The following ISM2 variants were observed in gnomAD, a reference collection of about 807,000 sequenced individuals.
The protein encoded by ISM2 is isthmin-2.
ISM2 carries 50 observed loss-of-function variants against 58.0 expected under a neutral mutation model. The ratio of observed to expected loss-of-function variants is 0.86; its 90% CI spans 0.69 to 1.09. The LOEUF (loss-of-function observed/expected upper bound fraction) is 1.09. ISM2 is among the 50% of genes least tolerant of loss of function. The probability of loss-of-function intolerance (pLI) is 0.00; values close to 1 mark genes in which losing one functional copy is unlikely to be tolerated. For missense variants in ISM2, 723 were observed against 745.0 expected (o/e 0.97, Z 0.34); for synonymous variants, 303 against 312.4 (o/e 0.97, Z 0.32).
At chr14:77,479,940 G>A (rs1362156636) in intron 4 of ISM2, among the ~76,000 whole-genome samples, 5 of 152,162 alleles carry the variant, frequency 3.3e-5, no homozygotes, top group African/African-American at 7.2e-5. Flanking sequence ...GATTACAGGT[G>A]TGAGCCACCC....
rs1286898019 is a variant in ISM2 at position 77,475,844 on chromosome 14, G to T, written c.1467C>A (p.Ala489=). 21 of 1,610,812 alleles carry T rather than the reference G, an allele frequency of 1.3e-5. No homozygotes were observed. Among genetic ancestry groups the T allele is most frequent in the East Asian group, 2.2e-5 (1 of 44,882 alleles). ...TGTCCTCGTCATAGCAGCAGTGCTG[G>T]GCGGCCAGTGTGCTGCTCTCCCCAG... ...MLSGESSTLA[A]QHCCYDEDSR... The change falls in exon 7 of 7, where the codon GCC becomes GCA. Residue 489 remains alanine, a synonymous_variant. Coordinates refer to ENST00000342219, the MANE Select transcript of ISM2 (RefSeq NM_199296.3). The surrounding 1 kb of genome is among the most constrained non-coding windows in gnomAD (Gnocchi z 4.1).
chr14:77,475,695 C>T lies in ISM2; in HGVS notation c.1616G>A (p.Arg539His), dbSNP rs745718518. Residue 539 changes from arginine (R) to histidine (H), a missense_variant, in exon 7 of 7, where the codon CGC (arginine) becomes CAC (histidine). Arg to His is a conservative substitution (Grantham distance 29). Coordinates refer to ENST00000342219, the MANE Select transcript of ISM2 (RefSeq NM_199296.3). The surrounding 1 kb of genome is among the most constrained non-coding windows in gnomAD (Gnocchi z 4.1). ...PWILCKGDWS[R>H]LHAVLPPNNG... ...GTTGGGAGGGAGCACAGCGTGGAGG[C>T]GGCTCCAGTCCCCCTTGCACAGGAT... is the stretch of plus-strand genomic sequence containing the variant. 3.1e-6 allele frequency: 5 copies of T among 1,613,916 alleles called. No individual in the cohort carries two copies. The highest frequency in any genetic ancestry group is 1.1e-5 in the South Asian group (1 of 91,090).
chr14:77,481,254 C>T (rs917430084), intron 4 of ISM2, among the ~76,000 whole-genome samples: 1 of 151,732 alleles, frequency 6.6e-6, no homozygotes, highest in African/African-American at 2.4e-5. Context: ...GCATGAGAAT[C>T]GTCCGAACCT....
chr14:77,491,390 T>G (rs148100392), intron 1 of ISM2, among the ~76,000 whole-genome samples: 2 of 152,332 alleles, frequency 1.3e-5, no homozygotes, highest in East Asian at 3.9e-4. Flanking sequence ...CTCTGTTTAT[T>G]TATTTATTTT....
chr14:77,495,632 A>G (rs1171684497), intron 1 of ISM2, among the ~76,000 whole-genome samples: 1 of 152,116 alleles, frequency 6.6e-6, no homozygotes, highest in East Asian at 1.9e-4. Context: ...AAGCATGTGG[A>G]GTGTCTGGGC....
At chr14:77,486,570 C>G (rs761859054) in intron 1 of ISM2, among the ~76,000 whole-genome samples, 1 of 152,202 alleles carries the variant, frequency 6.6e-6, no homozygotes, top group South Asian at 2.1e-4. Flanking sequence ...CCTAGCAGCT[C>G]CCACCCACAA....
rs370579280 is a variant in ISM2, at chr14:77,475,929, G to A, written c.1382C>T (p.Pro461Leu). The change falls in exon 7 of 7, where the codon CCT becomes CTT. Residue 461 changes from proline to leucine, a missense_variant. Transcript: ENST00000342219. This position sits in a 1 kb window ranked among gnomAD's most constrained non-coding sequence, Gnocchi z 4.1. The part of the protein sequence containing the change: ...RSFRWRDASG[P>L]RERLDIYQPT... The stretch of plus-strand genomic sequence containing the variant: ...CTGGTAGATGTCCAGGCGCTCGCGA[G>A]GGCCACTGGCATCCCTCCACCGGAA... The A allele has an allele frequency of 1.8e-4, 294 of 1,599,916 alleles. No homozygotes were observed. Among genetic ancestry groups the A allele is most frequent in the Non-Finnish European group, 2.4e-4 (281 of 1,179,786 alleles).
At chr14:77,496,250 A>G (rs1412424640) in intron 1 of ISM2, among the ~76,000 whole-genome samples, 1 of 151,252 alleles carries the variant, frequency 6.6e-6, no homozygotes, top group Non-Finnish European at 1.5e-5. Context: ...GCACTTTGGG[A>G]GGCTGAGGTG....
At chr14:77,494,269 G>A (rs943112096) in intron 1 of ISM2, among the ~76,000 whole-genome samples, 3 of 152,162 alleles carry the variant, frequency 2.0e-5, no homozygotes, top group African/African-American at 7.2e-5. Context: ...AATTCATATG[G>A]ACTCTGTAAG....
rs750657050 is a variant in ISM2, at chr14:77,478,247, T to C, written c.1193A>G (p.Asp398Gly). The change falls in exon 6 of 7, where the codon GAT (aspartate) becomes GGT (glycine). Residue 398 changes from aspartate (D) to glycine (G), a missense_variant. By Grantham distance (94) the Asp-to-Gly change is moderately conservative. Transcript: ENST00000342219. ...AAGCCTAGCCCCTCACTCACCTTGATCATGCATGTCCGTAGCATTGCGGGC... is the reference window on the plus strand; with the variant it reads ...AAGCCTAGCCCCTCACTCACCTTGACCATGCATGTCCGTAGCATTGCGGGC... ...LLARNATDMHDQDVDSCEKWL... is the reference protein window; with the variant it reads ...LLARNATDMHGQDVDSCEKWL... The C allele has an allele frequency of 1.2e-6, 2 of 1,613,820 alleles. No individual in the cohort carries two copies.
intron 1 of ISM2, among the ~76,000 whole-genome samples, chr14:77,495,695 T>C (rs1310974951): frequency 6.6e-6 from 1 of 152,092 alleles, no homozygotes; most frequent in Non-Finnish European, 1.5e-5. Flanking sequence ...CCAGGAATGC[T>C]GCTAAACGTT....
chr14:77,497,079 G>T (rs774159405), intron 1 of ISM2, among the ~76,000 whole-genome samples: 2 of 151,328 alleles, frequency 1.3e-5, no homozygotes, highest in African/African-American at 2.4e-5. Flanking sequence ...TCTCAAAAAT[G>T]GGAAGAATGG....
At chr14:77,476,133 C>T in intron 6 of ISM2, 21 bp from the exon 7 acceptor site, 1 of 1,505,016 alleles carries the variant, frequency 6.6e-7, no homozygotes, top group Non-Finnish European at 8.8e-7. Context: ...CCACAAAGTG[C>T]AGGAGGGAAG....
rs1479082265 is a variant in ISM2, at chr14:77,478,635, G to T, written c.1054C>A (p.Pro352Thr). The T allele has an allele frequency of 6.2e-7, 1 of 1,613,912 alleles. No individual in the cohort carries two copies. Among genetic ancestry groups the T allele is most frequent in the Non-Finnish European group, 8.5e-7 (1 of 1,179,902 alleles). Residue 352 changes from proline (P) to threonine (T), a missense_variant, in exon 5 of 7, where the codon CCC becomes ACC. Transcript: ENST00000342219. ...GTGGCAGTGCAGCCATAGCCACAGG[G>T]CCGAGTCCTCTGCTGCTTGCCAGTG... Reference protein sequence around the residue: ...CSTGKQQRTRPCGYGCTATET... With the variant: ...CSTGKQQRTRTCGYGCTATET...
rs1205972424 is a variant in ISM2, at chr14:77,498,172, G to A, written c.141+481C>T. ...CAGTCTCAGGCTGGCCACCCCTGCC[G>A]GCGGCTGGAGAGCCCCACTGTGCCT... On this transcript the variant is annotated intron_variant, in intron 1 of 6. Coordinates refer to ENST00000342219, the MANE Select transcript of ISM2 (RefSeq NM_199296.3). 3 of 1,104,838 alleles carry A rather than the reference G, an allele frequency of 2.7e-6. No individual in the cohort carries two copies. In the Admixed American group the frequency reaches 9.0e-5, roughly 33 times the overall value. The allele number at this position is 1,104,838 out of a possible 1,614,324, so 68.4% of individuals were successfully genotyped here.
At chr14:77,482,294 C>T (rs750985638) in intron 4 of ISM2, 28 bp downstream of exon 4, 16 of 1,564,364 alleles carry the variant, frequency 1.0e-5, no homozygotes, top group Middle Eastern at 1.7e-4. Context: ...GGGGAGCAGC[C>T]TGGGGATGCC....
At chr14:77,498,614 C>A (rs114330715) in intron 1 of ISM2, 39 bp downstream of exon 1, 2 of 1,408,036 alleles carry the variant, frequency 1.4e-6, no homozygotes, top group Non-Finnish European at 1.8e-6. Context: ...GAGGTGGGAC[C>A]GACAGCGCGC....
At position 77,498,667 on chromosome 14, in the gene ISM2, TG is replaced by T; in HGVS notation, c.126del (p.Thr43ArgfsTer15). ...CCGCCACTCACCTCTGCGAGCCTCG[TG>T]AGGCTCCCAGGCCGTGGTCCGCGGA... Reference protein sequence around the residue: ...PRLRGPRPGSLTRLAEVSASP... With the variant: ...PRLRGPRPGSXTRLAEVSASP... On this transcript the variant is annotated frameshift_variant, in exon 1 of 7. Coordinates refer to ENST00000342219, the MANE Select transcript of ISM2 (RefSeq NM_199296.3). LOFTEE classifies it high-confidence loss of function. The T allele has an allele frequency of 6.8e-7, 1 of 1,472,696 alleles. No individual in the cohort carries two copies. 91.2% of individuals were successfully genotyped at this position (1,472,696 alleles called of 1,614,324 possible). A position where few individuals can be genotyped will look rare whatever the true frequency, so the allele number is the denominator to read the frequency against.
chr14:77,489,910 C>T (rs955165208), intron 1 of ISM2, among the ~76,000 whole-genome samples: 1 of 152,236 alleles, frequency 6.6e-6, no homozygotes, highest in Non-Finnish European at 1.5e-5. Flanking sequence ...GTCGCCCAGG[C>T]TGGAGTGCAG....
Sources: gnomAD v4.1 joint callset for allele counts (sites outside exome capture counted in the v4.1 genomes callset) on GRCh38, gnomAD v4.1.1 for gene constraint, Gnocchi (gnomAD v3.1) non-coding constraint, MANE v1.5 for transcripts, NCBI Gene and HGNC (gene_info 2026-07-23, HGNC 2026-07-21) for gene names.